The following GABRG3 variants were observed in gnomAD, a reference collection of about 807,000 sequenced individuals.
The protein encoded by GABRG3 is gamma-aminobutyric acid type A receptor subunit gamma3.
In GABRG3, 25 loss-of-function variants were observed where a neutral mutation model predicts 48.8. The ratio of observed to expected loss-of-function variants is 0.51; its 90% CI spans 0.37 to 0.72. GABRG3 has a LOEUF of 0.72. Ranked by LOEUF, GABRG3 falls within the 30% of genes least tolerant of loss-of-function variation. GABRG3 has a pLI of 0.00. For missense variants in GABRG3, 394 were observed against 577.9 expected (o/e 0.68, Z 3.26); for synonymous variants, 227 against 217.6 (o/e 1.04, Z -0.38).
chr15:27,323,070 A>C (rs1362431678), intron 3 of GABRG3, among the ~76,000 whole-genome samples: 2 of 152,082 alleles, frequency 1.3e-5, no homozygotes, highest in Non-Finnish European at 2.9e-5. Context: ...AACTGCTCCT[A>C]ATGGGGATGG....
intron 3 of GABRG3, among the ~76,000 whole-genome samples, chr15:27,134,522 C>A (rs1445573518): frequency 6.6e-6 from 1 of 152,162 alleles, no homozygotes; most frequent in African/African-American, 2.4e-5. Flanking sequence ...CAGTGTGACA[C>A]CCCACTGTCT....
intron 3 of GABRG3, among the ~76,000 whole-genome samples, chr15:27,256,768 A>C (rs923293966): frequency 6.6e-6 from 1 of 152,190 alleles, no homozygotes; most frequent in Non-Finnish European, 1.5e-5. Context: ...GAATGGGTAA[A>C]GACCCCTTAA....
chr15:27,524,118 A>G (rs1891220192), intron 7 of GABRG3, among the ~76,000 whole-genome samples: 1 of 152,088 alleles, frequency 6.6e-6, no homozygotes, highest in Non-Finnish European at 1.5e-5. Context: ...CTGAAGAAAA[A>G]TTATTAAGAG....
At chr15:27,333,079 AT>A (rs1338558601) in intron 5 of GABRG3, among the ~76,000 whole-genome samples, 1 of 152,228 alleles carries the variant, frequency 6.6e-6, no homozygotes, top group Non-Finnish European at 1.5e-5. Context: ...ATTAAAAGTG[AT>A]TTTGATATGG....
At chr15:27,245,840 C>T (rs777359409) in intron 3 of GABRG3, among the ~76,000 whole-genome samples, 5 of 152,074 alleles carry the variant, frequency 3.3e-5, no homozygotes, top group African/African-American at 9.7e-5. Context: ...GGTGACAGTG[C>T]GAGACTCCAT....
chr15:27,006,437 G>A (rs1895586454), intron 2 of GABRG3, among the ~76,000 whole-genome samples: 1 of 152,172 alleles, frequency 6.6e-6, no homozygotes, highest in Non-Finnish European at 1.5e-5. Context: ...TTGGGCTCAA[G>A]TGATCTGCCC....
intron 3 of GABRG3, among the ~76,000 whole-genome samples, chr15:27,303,135 T>C (rs1382968682): frequency 6.6e-6 from 1 of 150,548 alleles, no homozygotes; most frequent in Non-Finnish European, 1.5e-5. Flanking sequence ...TAAAAATCAA[T>C]GAAATTGAAA....
chr15:27,301,858 A>C (rs117363725), intron 3 of GABRG3, among the ~76,000 whole-genome samples: 1 of 152,194 alleles, frequency 6.6e-6, no homozygotes, highest in South Asian at 2.1e-4. Flanking sequence ...ACAGTGATTC[A>C]ATAATGGTGG....
At chr15:27,189,642 G>T (rs1888227112) in intron 3 of GABRG3, among the ~76,000 whole-genome samples, 1 of 152,156 alleles carries the variant, frequency 6.6e-6, no homozygotes, top group East Asian at 1.9e-4. Flanking sequence ...AGACAGTGGG[G>T]TTTTCTAGAT....
chr15:27,499,805 A>T (rs1391613994), intron 6 of GABRG3, among the ~76,000 whole-genome samples: 3 of 152,216 alleles, frequency 2.0e-5, no homozygotes, highest in Non-Finnish European at 4.4e-5. Context: ...AGAATTCTCC[A>T]TAAGCAGATG....
intron 3 of GABRG3, among the ~76,000 whole-genome samples, chr15:27,043,152 C>T (rs1437300021): frequency 1.3e-5 from 2 of 152,208 alleles, no homozygotes; most frequent in African/African-American, 4.8e-5. Flanking sequence ...TTCAGTAAAG[C>T]CTTCCTTCAC....
intron 3 of GABRG3, among the ~76,000 whole-genome samples, chr15:27,276,560 A>G (rs568964683): frequency 6.6e-6 from 1 of 152,334 alleles, no homozygotes; most frequent in East Asian, 1.9e-4. Context: ...CTGTATGATA[A>G]TTTTAAATTA....
At chr15:27,158,482 ATTATAC>A (rs1041500710) in intron 3 of GABRG3, 5 of 152,160 alleles carry the variant, frequency 3.3e-5, no homozygotes, top group African/African-American at 7.2e-5. Flanking sequence ...TTACTCTCAA[ATTATAC>A]TTATAAATAC....
chr15:27,230,659 C>T (rs932619377), intron 3 of GABRG3, among the ~76,000 whole-genome samples: 1 of 152,144 alleles, frequency 6.6e-6, no homozygotes, highest in African/African-American at 2.4e-5. Flanking sequence ...TGTTTCATTT[C>T]ACCCTTTAAG....
intron 3 of GABRG3, among the ~76,000 whole-genome samples, chr15:27,256,560 G>A (rs1290704156): frequency 1.3e-5 from 2 of 152,090 alleles, no homozygotes; most frequent in African/African-American, 2.4e-5. Context: ...GACATTTCGG[G>A]GTGCCAGCAA....
At chr15:27,130,398 T>G (rs985173478) in intron 3 of GABRG3, among the ~76,000 whole-genome samples, 1 of 152,240 alleles carries the variant, frequency 6.6e-6, no homozygotes, top group East Asian at 1.9e-4. Context: ...GTTCCACTGG[T>G]CTAGATATCT....
intron 2 of GABRG3, among the ~76,000 whole-genome samples, chr15:27,013,141 A>G (rs1343459185): frequency 6.6e-6 from 1 of 152,176 alleles, no homozygotes; most frequent in Non-Finnish European, 1.5e-5. Context: ...ACTTTAAGAT[A>G]CTTCATATGA....
intron 3 of GABRG3, among the ~76,000 whole-genome samples, chr15:27,307,657 G>GTTTATATA (rs1409301349): frequency 2.9e-5 from 3 of 103,918 alleles, no homozygotes; most frequent in African/African-American, 1.6e-4. Flanking sequence ...AGGTTTATAG[G>GTTTATATA]TTTATATATT....
intron 3 of GABRG3, among the ~76,000 whole-genome samples, chr15:27,260,568 G>C (rs1890739905): frequency 6.6e-6 from 1 of 152,272 alleles, no homozygotes; most frequent in Non-Finnish European, 1.5e-5. Context: ...TGGAGGATGT[G>C]CATAGGTTAG....
Sources: gnomAD v4.1 joint callset for allele counts (sites outside exome capture counted in the v4.1 genomes callset) on GRCh38, gnomAD v4.1.1 for gene constraint, MANE v1.5 for transcripts, NCBI Gene and HGNC (gene_info 2026-07-23, HGNC 2026-07-21) for gene names.